Variants in DPP4 observed in about 807,000 individuals in gnomAD.
The protein encoded by DPP4 is dipeptidyl peptidase 4, also known as ADCP-2.
A neutral mutation model predicts 122.4 loss-of-function variants in DPP4; 93 were observed. The ratio of observed to expected loss-of-function variants is 0.76; its 90% confidence interval spans 0.64 to 0.90. The LOEUF (loss-of-function observed/expected upper bound fraction) is 0.90, where lower values mean the gene tolerates loss of function less well. Among genes scored for constraint, DPP4 ranks in the 40% least tolerant of loss-of-function variants. The pLI is 0.00. For missense variants in DPP4, 914 were observed against 907.3 expected, an observed-to-expected ratio of 1.01 and a Z score of -0.09; for synonymous variants, 321 against 302.9, an observed-to-expected ratio of 1.06 and a Z score of -0.62.
intron 2 of DPP4, among the ~76,000 whole-genome samples, chr2:162,065,903 A>G (rs1470485573): frequency 1.3e-5 from 2 of 152,140 alleles, no homozygotes; most frequent in African/African-American, 4.8e-5. Context: ...TTGTCTTTCT[A>G]TCCCTAGGGA....
intron 2 of DPP4, among the ~76,000 whole-genome samples, chr2:162,063,141 T>C (rs1036857854): frequency 1.3e-5 from 2 of 152,080 alleles, no homozygotes; most frequent in Admixed American, 6.5e-5. Flanking sequence ...ATGTGACTTG[T>C]GGATGAAAGA....
intron 18 of DPP4, 90 bp downstream of exon 18, chr2:162,016,678 T>C (rs2970931): frequency 0.64 from 502,304 of 787,330 alleles, 163,540 homozygotes; most frequent in African/African-American, 0.88. Flanking sequence ...TTATATATAA[T>C]ATGAAATACA....
chr2:162,067,916 T>A (rs1373004538), intron 2 of DPP4, among the ~76,000 whole-genome samples: 2 of 152,184 alleles, frequency 1.3e-5, no homozygotes, highest in African/African-American at 4.8e-5. Flanking sequence ...TCAGGGAAGG[T>A]TGGTAGTCAA....
At chr2:162,037,927 GA>G (rs1683836634) in intron 8 of DPP4, among the ~76,000 whole-genome samples, 1 of 152,138 alleles carries the variant, frequency 6.6e-6, no homozygotes, top group Non-Finnish European at 1.5e-5. Context: ...TTCTCAATGT[GA>G]TGGGATTATT....
At chr2:162,009,202 A>T in intron 21 of DPP4, 39 bp downstream of exon 21, 1 of 1,599,866 alleles carries the variant, frequency 6.3e-7, no homozygotes, top group Non-Finnish European at 8.6e-7. Flanking sequence ...AGTGATATTC[A>T]CTAACGAATG....
At chr2:162,055,773 A>T (rs1343222291) in intron 2 of DPP4, among the ~76,000 whole-genome samples, 1 of 152,228 alleles carries the variant, frequency 6.6e-6, no homozygotes, top group Non-Finnish European at 1.5e-5. Flanking sequence ...CAGGTGACCA[A>T]ACTTTGGTTA....
intron 11 of DPP4, among the ~76,000 whole-genome samples, chr2:162,023,787 C>T (rs948468384): frequency 1.3e-5 from 2 of 152,188 alleles, no homozygotes; most frequent in Non-Finnish European, 2.9e-5. Context: ...TCTGACTGTG[C>T]CCTGTGACCT....
intron 2 of DPP4, among the ~76,000 whole-genome samples, chr2:162,054,801 G>A (rs1684509292): frequency 6.6e-6 from 1 of 152,110 alleles, no homozygotes; most frequent in South Asian, 2.1e-4. Flanking sequence ...TTTTGTTACA[G>A]CAGCACAAAC....
intron 23 of DPP4, among the ~76,000 whole-genome samples, chr2:162,002,899 C>T (rs181673904): frequency 3.7e-4 from 56 of 152,286 alleles, no homozygotes; most frequent in Middle Eastern, 3.4e-3. Flanking sequence ...TTCAGTTCTC[C>T]ACATAGATTC....
At chr2:162,006,403 T>C (rs1259585063) in intron 22 of DPP4, among the ~76,000 whole-genome samples, 1 of 152,150 alleles carries the variant, frequency 6.6e-6, no homozygotes, top group Non-Finnish European at 1.5e-5. Flanking sequence ...GGATTCACTA[T>C]AATAAAAACA....
chr2:162,065,999 G>A (rs1244700108), intron 2 of DPP4, among the ~76,000 whole-genome samples: 2 of 152,174 alleles, frequency 1.3e-5, no homozygotes, highest in Non-Finnish European at 2.9e-5. Context: ...TCTGTGCTGG[G>A]TGAATATGAA....
intron 2 of DPP4, 96 bp from the exon 3 acceptor site, chr2:162,047,597 C>T (rs1438819542): frequency 2.6e-6 from 2 of 760,574 alleles, no homozygotes; most frequent in African/African-American, 1.8e-5. Context: ...ATATACCCTG[C>T]TCAAAAAATT....
intron 23 of DPP4, among the ~76,000 whole-genome samples, chr2:162,002,386 G>A (rs1576032848): frequency 6.6e-6 from 1 of 152,118 alleles, no homozygotes; most frequent in East Asian, 1.9e-4. Context: ...ATTAAAAACT[G>A]CATTTTCTTC....
Position 162,074,196 on chromosome 2 carries a change from C to CGCGCGTG in DPP4, c.-222_-216dup, listed in dbSNP as rs1685228733. 8.1e-7 allele frequency: 1 copy of CGCGCGTG among 1,231,492 alleles called. No individual in the cohort carries two copies. 76.3% of individuals were successfully genotyped at this position (1,231,492 alleles called of 1,614,324 possible). A position where few individuals can be genotyped will look rare whatever the true frequency, so the allele number is the denominator to read the frequency against. ...GCAGGGCAGGCGGCGCGGGAGCAGG[C>CGCGCGTG]GCGCGTGGCGCGGGGCACTGGCATC... On this transcript the variant is annotated 5_prime_UTR_variant, in exon 1 of 26. Transcript: ENST00000360534.
rs1685189357 is a variant in DPP4, at chr2:162,073,422, G to A, written c.71C>T (p.Pro24Leu). 2 of 1,613,914 alleles carry A rather than the reference G, an allele frequency of 1.2e-6. No individual in the cohort carries two copies. Among genetic ancestry groups the A allele is most frequent in the Non-Finnish European group, 1.7e-6 (2 of 1,180,028 alleles). The change falls in exon 2 of 26, where the codon CCC becomes CTC. Residue 24 changes from proline to leucine, a missense_variant. Pro to Leu is a moderately conservative substitution (Grantham distance 98, BLOSUM62 -3). Transcript: ENST00000360534. Reference sequence around the variant, plus strand: ...ACTGCCTTTGTTCAGCAGAACCACGGGCACGGTGATGATGGTGACAAGCGC... The same window carrying A: ...ACTGCCTTTGTTCAGCAGAACCACGAGCACGGTGATGATGGTGACAAGCGC... ...AAALVTIITV[P>L]VVLLNKGTDD...
chr2:162,047,027 G>C (rs1240347634), intron 3 of DPP4, 21 bp from the exon 4 acceptor site: 2 of 1,359,864 alleles, frequency 1.5e-6, no homozygotes, highest in South Asian at 2.5e-5. Flanking sequence ...AAAACACCCA[G>C]ATCAAAATTT....
intron 5 of DPP4, among the ~76,000 whole-genome samples, chr2:162,043,721 T>A (rs909243366): frequency 6.6e-6 from 1 of 152,176 alleles, no homozygotes; most frequent in Non-Finnish European, 1.5e-5. Flanking sequence ...CAATCACCTA[T>A]GACAGTTTAA....
At chr2:162,005,080 C>CA (rs2106080800) in intron 23 of DPP4, among the ~76,000 whole-genome samples, 1 of 152,344 alleles carries the variant, frequency 6.6e-6, no homozygotes, top group East Asian at 1.9e-4. Context: ...GCACCAGAGA[C>CA]AATGCTCTGG....
intron 2 of DPP4, among the ~76,000 whole-genome samples, chr2:162,065,617 A>T (rs1379774171): frequency 6.6e-6 from 1 of 152,238 alleles, no homozygotes; most frequent in African/African-American, 2.4e-5. Flanking sequence ...AGGGGGCTGT[A>T]AGTCAGTGAG....
Sources: allele counts gnomAD v4.1 joint callset (sites outside exome capture counted in the v4.1 genomes callset), GRCh38; gene constraint gnomAD v4.1.1; transcripts MANE v1.5; gene names NCBI Gene and HGNC (gene_info 2026-07-23, HGNC 2026-07-21).